The following GRHPR variants were observed in gnomAD, a reference collection of about 807,000 sequenced individuals.
GRHPR encodes the protein glyoxylate reductase/hydroxypyruvate reductase.
A neutral mutation model predicts 36.8 loss-of-function variants in GRHPR; 35 were observed. The ratio of observed to expected loss-of-function variants is 0.95; its 90% CI spans 0.73 to 1.26. GRHPR has a LOEUF of 1.26. Among genes scored for constraint, GRHPR ranks in the 50% most tolerant of loss-of-function variants. The pLI, the probability that GRHPR is intolerant of heterozygous loss-of-function variation, is 0.00. For missense variants in GRHPR, 380 were observed against 435.0 expected (o/e 0.87, Z 1.12); for synonymous variants, 179 against 181.0 (o/e 0.99, Z 0.09).
rs765596317 is a variant in GRHPR, at chr9:37,428,585, C to T, written c.493+13C>T. 5.7e-6 allele frequency: 9 copies of T among 1,569,508 alleles called. No homozygotes were observed. In the South Asian group the frequency reaches 8.9e-5, roughly 15 times the overall value. On this transcript the variant is annotated intron_variant, in intron 5 of 8. Coordinates refer to ENST00000318158, the MANE Select transcript of GRHPR (RefSeq NM_012203.2). ...CTGGGGCGCATAGGTGAGGCTCCCACCGGCCCGCTTGCCCGCCCCGGCTCT... is the reference window on the plus strand; with the variant it reads ...CTGGGGCGCATAGGTGAGGCTCCCATCGGCCCGCTTGCCCGCCCCGGCTCT...
chr9:37,437,510 G>A (rs1823728904), downstream of GRHPR, among the ~76,000 whole-genome samples: 1 of 152,166 alleles, frequency 6.6e-6, no homozygotes, highest in South Asian at 2.1e-4. Context: ...AAATTAAGGA[G>A]CACTTCCAGA....
rs180177322 is a variant in GRHPR, at chr9:37,436,699, C to T, written c.904C>T (p.Arg302Cys). 33 of 1,613,966 alleles carry T rather than the reference C, an allele frequency of 2.0e-5. No individual in the cohort carries two copies. Among genetic ancestry groups the T allele is most frequent in the East Asian group, 4.5e-5 (2 of 44,902 alleles). The change falls in exon 9 of 9, where the codon CGC becomes TGC. Residue 302 changes from arginine to cysteine, a missense_variant. By Grantham distance (180) the Arg-to-Cys change is radical. Coordinates refer to ENST00000318158, the MANE Select transcript of GRHPR (RefSeq NM_012203.2). ...PHIGSATHRT[R>C]NTMSLLAANN... ...CATTGGCAGTGCCACCCACAGAACC[C>T]GCAACACCATGTCCTTGTTGGCAGC...
intron 4 of GRHPR, 70 bp downstream of exon 4, chr9:37,426,724 C>T (rs963663495): frequency 4.6e-6 from 4 of 869,482 alleles, no homozygotes; most frequent in African/African-American, 1.6e-5. Context: ...CCAAAGTGAG[C>T]GGATCATGAG....
At position 37,436,888 on chromosome 9, in the gene GRHPR, T is replaced by G; in HGVS notation, c.*106T>G. On this transcript the variant is annotated 3_prime_UTR_variant, in exon 9 of 9. Transcript: ENST00000318158. Reference sequence around the variant, plus strand: ...AGGCAGAGCCAAGGGAAGGTGTGATTCTCTGAGGAAAGAGTGATTCTGATA... The same window carrying G: ...AGGCAGAGCCAAGGGAAGGTGTGATGCTCTGAGGAAAGAGTGATTCTGATA... 8.0e-7 allele frequency: 1 copy of G among 1,252,546 alleles called. No homozygotes were observed. The highest frequency in any genetic ancestry group is 1.2e-6 in the Non-Finnish European group (1 of 853,278). The allele number at this position is 1,252,546 out of a possible 1,614,324, so 77.6% of individuals were successfully genotyped here.
chr9:37,431,555 G>C (rs1263002217), intron 7 of GRHPR: 2 of 251,252 alleles, frequency 8.0e-6, no homozygotes, highest in African/African-American at 4.5e-5. Flanking sequence ...CTCTGCCCTG[G>C]TTTAGACAGG....
chr9:37,429,395 G>A (rs746194994), intron 5 of GRHPR: 1 of 390,694 alleles, frequency 2.6e-6, no homozygotes, highest in Non-Finnish European at 4.9e-6. Context: ...TGCTTGACCA[G>A]GTGTCTCCCT....
chr9:37,437,024 A>G (rs1158423362), downstream of GRHPR: 2 of 461,616 alleles, frequency 4.3e-6, no homozygotes, highest in Non-Finnish European at 8.1e-6. Context: ...GAAGCTAACA[A>G]GTGGATATGG....
At chr9:37,428,795 T>C in intron 5 of GRHPR, 1 of 678,380 alleles carries the variant, frequency 1.5e-6, no homozygotes, top group Admixed American at 2.0e-5. Context: ...AAAAGCAAGT[T>C]GCCTAAGGGT....
At chr9:37,422,629 C>T (rs992073195), upstream of GRHPR, 4 of 792,670 alleles carry the variant, frequency 5.0e-6, no homozygotes, top group African/African-American at 5.1e-5. Context: ...CGAAGCCACA[C>T]CCCCTGCGCA....
rs146227450 is a variant in GRHPR at position 37,430,578 on chromosome 9, C to G, written c.666C>G (p.Thr222=). The G allele has an allele frequency of 6.1e-5, 98 of 1,613,260 alleles. No homozygotes were observed. The East Asian group carries it at 2.2e-3, about 36-fold the overall frequency. The change falls in exon 7 of 9, where the codon ACC becomes ACG. Residue 222 remains threonine (T), a synonymous_variant. Transcript: ENST00000318158. ...TGGCCTGCTCCTTAACACCTGCAAC[C>G]GAGGGACTCTGCAACAAGGACTTCT... The part of the protein sequence containing the change: ...IVVACSLTPA[T]EGLCNKDFFQ...
At chr9:37,428,977 G>C (rs566830564) in intron 5 of GRHPR, 13 of 355,754 alleles carry the variant, frequency 3.7e-5, no homozygotes, top group African/African-American at 2.8e-4. Flanking sequence ...GGGCTCAGTG[G>C]GCAGAGTTGA....
At chr9:37,426,300 A>C in intron 3 of GRHPR, 1 of 603,238 alleles carries the variant, frequency 1.7e-6, no homozygotes, top group Non-Finnish European at 2.9e-6. Context: ...GAAATTCAGA[A>C]AGGTTAAGTT....
At chr9:37,423,166 CTT>C (rs111508809) in intron 1 of GRHPR, among the ~76,000 whole-genome samples, 14 of 136,994 alleles carry the variant, frequency 1.0e-4, no homozygotes, top group Non-Finnish European at 7.9e-5. Context: ...ATTTACTTAT[CTT>C]TTTTTTTTTT....
rs1261474347 is a variant in GRHPR at position 37,424,906 on chromosome 9, G to A, written c.145G>A (p.Val49Met). ...CCCTGCCAAGGAGCTAGAGCGAGGTGTGGCGGGGGCCCACGGCCTGCTCTG... is the reference window on the plus strand; with the variant it reads ...CCCTGCCAAGGAGCTAGAGCGAGGTATGGCGGGGGCCCACGGCCTGCTCTG... ...PIPAKELERGVAGAHGLLCLL... is the reference protein window; with the variant it reads ...PIPAKELERGMAGAHGLLCLL... The change falls in exon 2 of 9, where the codon GTG (valine) becomes ATG (methionine). Residue 49 changes from valine (V) to methionine (M), a missense_variant. By Grantham distance (21) the Val-to-Met change is conservative. Transcript: ENST00000318158. 4.3e-6 allele frequency: 7 copies of A among 1,612,630 alleles called. No individual in the cohort carries two copies. The highest frequency in any genetic ancestry group is 5.9e-6 in the Non-Finnish European group (7 of 1,179,830).
chr9:37,430,386 AC>A (rs1347412468), intron 6 of GRHPR, 124 bp from the exon 7 acceptor site: 8 of 813,808 alleles, frequency 9.8e-6, no homozygotes, highest in African/African-American at 6.7e-5. Context: ...CCAGGTAGAG[AC>A]TCGGCCTTCA....
chr9:37,426,673 G>A lies in GRHPR; in HGVS notation c.404+19G>A, dbSNP rs559752842. On this transcript the variant is annotated intron_variant, in intron 4 of 8. Transcript: ENST00000318158. Reference sequence around the variant, plus strand: ...TGAAGAAGTAAGTGAACGCAGACCAGGTGCGGTGGCTCACGGCTGTAATCC... The same window carrying A: ...TGAAGAAGTAAGTGAACGCAGACCAAGTGCGGTGGCTCACGGCTGTAATCC... The A allele has an allele frequency of 1.8e-5, 25 of 1,413,694 alleles. No individual in the cohort carries two copies. The South Asian group carries it at 2.1e-4, about 12-fold the overall frequency. 87.6% of individuals were successfully genotyped at this position (1,413,694 alleles called of 1,614,324 possible).
chr9:37,430,434 G>A (rs1823305063), intron 6 of GRHPR, 77 bp from the exon 7 acceptor site: 1 of 1,268,984 alleles, frequency 7.9e-7, no homozygotes, highest in Non-Finnish European at 1.2e-6. Context: ...GGAGTCGGGA[G>A]CAAGGGGCTG....
chr9:37,428,489 G>A lies in GRHPR; in HGVS notation c.410G>A (p.Gly137Asp). The A allele has an allele frequency of 6.2e-7, 1 of 1,608,122 alleles. No homozygotes were observed. The highest frequency in any genetic ancestry group is 8.5e-7 in the Non-Finnish European group (1 of 1,175,298). Reference protein sequence around the residue: ...PEAIEEVKNGGWTSWKPLWLC... With the variant: ...PEAIEEVKNGDWTSWKPLWLC... ...GCCCCTCTCTCTCCCCTCAGTGGTG[G>A]CTGGACCTCGTGGAAGCCCCTCTGG... Residue 137 changes from glycine (G) to aspartate (D), a missense_variant, in exon 5 of 9, where the codon GGC (glycine) becomes GAC (aspartate). Transcript: ENST00000318158.
At chr9:37,435,890 G>A (rs895112224) in intron 8 of GRHPR, among the ~76,000 whole-genome samples, 3 of 152,154 alleles carry the variant, frequency 2.0e-5, no homozygotes, top group Non-Finnish European at 4.4e-5. Context: ...CTTGCATCTC[G>A]GCATCTGGAG....
Sources: allele counts gnomAD v4.1 joint callset (sites outside exome capture counted in the v4.1 genomes callset), GRCh38; gene constraint gnomAD v4.1.1; transcripts MANE v1.5; gene names NCBI Gene and HGNC (gene_info 2026-07-23, HGNC 2026-07-21).